Variants in CAMTA1 observed in about 807,000 individuals in gnomAD.
CAMTA1 encodes calmodulin binding transcription activator 1, also known as calmodulin-binding transcription activator 1.
Under a neutral mutation model 170.9 loss-of-function variants are expected in CAMTA1, and 27 were observed. That is an observed-to-expected ratio of 0.16 (90% CI 0.12 to 0.22). The LOEUF is 0.22. Among genes scored for constraint, CAMTA1 ranks in the 10% least tolerant of loss-of-function variants. The pLI is 1.00. For synonymous variants in CAMTA1, 833 were observed against 891.5 expected, an observed-to-expected ratio of 0.93 and a Z score of 1.17; for missense variants, 1,619 against 2,217.2, an observed-to-expected ratio of 0.73 and a Z score of 5.42.
intron 5 of CAMTA1, among the ~76,000 whole-genome samples, chr1:7,327,019 A>G (rs185657479): frequency 6.3e-4 from 96 of 152,314 alleles, no homozygotes; most frequent in African/African-American, 2.2e-3. Flanking sequence ...GTCACATTCA[A>G]AGAGCCCTGA....
At chr1:7,211,411 C>G (rs1264221663) in intron 4 of CAMTA1, among the ~76,000 whole-genome samples, 1 of 152,210 alleles carries the variant, frequency 6.6e-6, no homozygotes, top group Non-Finnish European at 1.5e-5. Context: ...CTTTCTCCAT[C>G]GTCTTCAGCA....
chr1:7,267,380 C>A (rs956521353), intron 5 of CAMTA1, among the ~76,000 whole-genome samples: 1 of 152,156 alleles, frequency 6.6e-6, no homozygotes, highest in Non-Finnish European at 1.5e-5. Flanking sequence ...TAGGTTTTCA[C>A]TCAGCAGTTC....
rs568571663 is a variant in CAMTA1, at chr1:7,530,496, C to T, written c.510+62595C>T. 3.8e-4 allele frequency among the ~76,000 whole-genome samples: 58 copies of T among 152,186 alleles called. No homozygotes were observed. The East Asian group carries it at 0.01, about 27-fold the overall frequency. ...CCACTCCAGGGAGCCTCACAAATGTCGCTGTCCACTGTAACCCAGGTATCC... is the reference window on the plus strand; with the variant it reads ...CCACTCCAGGGAGCCTCACAAATGTTGCTGTCCACTGTAACCCAGGTATCC... On this transcript the variant is annotated intron_variant, in intron 6 of 22. Transcript: ENST00000303635.
At chr1:7,095,839 AC>A (rs891966301) in intron 4 of CAMTA1, among the ~76,000 whole-genome samples, 20 of 152,374 alleles carry the variant, frequency 1.3e-4, no homozygotes, top group African/African-American at 4.8e-4. Flanking sequence ...AGGGCAGGGA[AC>A]CGGGCTGAGC....
chr1:7,034,307 C>A (rs1703249074), intron 3 of CAMTA1, among the ~76,000 whole-genome samples: 1 of 152,198 alleles, frequency 6.6e-6, no homozygotes, highest in Non-Finnish European at 1.5e-5. Flanking sequence ...CAGGTGCCCA[C>A]CACCACAGCC....
At chr1:7,331,254 A>G (rs974216290) in intron 5 of CAMTA1, among the ~76,000 whole-genome samples, 1 of 152,110 alleles carries the variant, frequency 6.6e-6, no homozygotes, top group South Asian at 2.1e-4. Flanking sequence ...AAAACAAAAC[A>G]AAACACCTCA....
At chr1:7,302,869 C>G (rs77751572) in intron 5 of CAMTA1, among the ~76,000 whole-genome samples, 2 of 151,924 alleles carry the variant, frequency 1.3e-5, no homozygotes, top group African/African-American at 2.4e-5. Flanking sequence ...CAATCTGCAG[C>G]AGAATTAATC....
At chr1:7,110,526 T>C (rs1289935813) in intron 4 of CAMTA1, among the ~76,000 whole-genome samples, 1 of 152,240 alleles carries the variant, frequency 6.6e-6, no homozygotes, top group East Asian at 1.9e-4. Flanking sequence ...GAATCTGCGA[T>C]GAATTATTCA....
At chr1:7,003,281 C>A (rs888866763) in intron 3 of CAMTA1, among the ~76,000 whole-genome samples, 1 of 152,210 alleles carries the variant, frequency 6.6e-6, no homozygotes, top group Admixed American at 6.5e-5. Flanking sequence ...CCACCACTAC[C>A]GCAGTTTCTG....
At position 7,634,327 on chromosome 1, in the gene CAMTA1, G is replaced by A. The variant is rs2095694054; in HGVS notation, c.511-6073G>A. The stretch of plus-strand genomic sequence containing the variant: ...CCGTTGAGGGAGAGGGAGGGAAAAT[G>A]AGAGGATGACTCCTGGGTTCCAGAC... On this transcript the variant is annotated intron_variant, in intron 6 of 22. Coordinates refer to ENST00000303635, the MANE Select transcript of CAMTA1 (RefSeq NM_015215.4). This position sits in a 1 kb window ranked among gnomAD's most constrained non-coding sequence, Gnocchi z 6.2. Among the ~76,000 whole-genome samples, 1 of 152,086 alleles carries A rather than the reference G, an allele frequency of 6.6e-6. No homozygotes were observed. The highest frequency in any genetic ancestry group is 6.5e-5 in the Admixed American group (1 of 15,274).
At chr1:7,296,745 T>A (rs968445529) in intron 5 of CAMTA1, among the ~76,000 whole-genome samples, 1 of 152,026 alleles carries the variant, frequency 6.6e-6, no homozygotes, top group Non-Finnish European at 1.5e-5. Context: ...TGAATACATA[T>A]GTCTGGAGCT....
At chr1:7,689,333 G>T (rs542310994) in intron 11 of CAMTA1, among the ~76,000 whole-genome samples, 3 of 151,450 alleles carry the variant, frequency 2.0e-5, no homozygotes, top group Admixed American at 6.6e-5. Flanking sequence ...CAGCACTTTT[G>T]GAAGCTGAGG....
At chr1:7,336,270 C>T (rs889042464) in intron 5 of CAMTA1, among the ~76,000 whole-genome samples, 4 of 152,322 alleles carry the variant, frequency 2.6e-5, no homozygotes, top group South Asian at 4.1e-4. Flanking sequence ...ATGGAGAGCA[C>T]GTGTGTTCAT....
At chr1:7,413,913 G>T (rs1474731615) in intron 5 of CAMTA1, among the ~76,000 whole-genome samples, 1 of 152,110 alleles carries the variant, frequency 6.6e-6, no homozygotes, top group Admixed American at 6.6e-5. Context: ...TAACTCTTAT[G>T]ATTTTGACGT....
intron 6 of CAMTA1, among the ~76,000 whole-genome samples, chr1:7,618,340 C>A (rs1426495299): frequency 6.6e-6 from 1 of 152,222 alleles, no homozygotes; most frequent in Non-Finnish European, 1.5e-5. Context: ...CAGCAGCTCC[C>A]CACCCAGGAG....
rs70987353 is a variant in CAMTA1 at position 7,545,957 on chromosome 1, C to CTT, written c.510+78071_510+78072dup. 1.5e-3 allele frequency among the ~76,000 whole-genome samples: 192 copies of CTT among 131,464 alleles called. 2 individuals carry two copies. The highest frequency in any genetic ancestry group is 3.8e-3 in the Middle Eastern group (1 of 260). 86.2% of individuals were successfully genotyped at this position (131,464 alleles called of 152,430 possible). A position where few individuals can be genotyped will look rare whatever the true frequency, so the allele number is the denominator to read the frequency against. On this transcript the variant is annotated intron_variant, in intron 6 of 22. Transcript: ENST00000303635. ...GTGGTGTTTGGTTTTCTTTTCTTTT[C>CTT]TTTTTTTTTTTTTTTTGAGACGGAG...
chr1:6,822,801 C>T (rs1646649618), intron 2 of CAMTA1, among the ~76,000 whole-genome samples: 1 of 138,610 alleles, frequency 7.2e-6, no homozygotes, highest in African/African-American at 2.5e-5. Context: ...ATACCACACA[C>T]ACACACACAC....
chr1:7,713,495 C>T (rs1365223091), intron 11 of CAMTA1, among the ~76,000 whole-genome samples: 1 of 151,638 alleles, frequency 6.6e-6, no homozygotes, highest in Non-Finnish European at 1.5e-5. Context: ...CTACTATTGG[C>T]GATTATCAGT....
intron 3 of CAMTA1, among the ~76,000 whole-genome samples, chr1:6,931,660 A>G (rs889013080): frequency 7.2e-5 from 11 of 152,192 alleles, no homozygotes; most frequent in African/African-American, 2.7e-4. Context: ...GGCATTAAGC[A>G]TTCATGGGAT....
Sources: gnomAD v4.1 joint callset for allele counts (sites outside exome capture counted in the v4.1 genomes callset) on GRCh38, gnomAD v4.1.1 for gene constraint, Gnocchi (gnomAD v3.1) non-coding constraint, MANE v1.5 for transcripts, NCBI Gene and HGNC (gene_info 2026-07-23, HGNC 2026-07-21) for gene names.